The following AUTS2 variants were observed in gnomAD, a reference collection of about 807,000 sequenced individuals.
The protein encoded by AUTS2 is activator of transcription and developmental regulator AUTS2, also known as autism susceptibility gene 2 protein.
In AUTS2, 17 loss-of-function variants were observed where a neutral mutation model predicts 112.4. That is an observed-to-expected ratio of 0.15 (90% CI 0.10 to 0.23). AUTS2 has a LOEUF of 0.23. Among genes scored for constraint, AUTS2 ranks in the 10% least tolerant of loss-of-function variants. AUTS2 has a pLI of 1.00. For missense variants in AUTS2, 1,510 were observed against 1,701.6 expected, an observed-to-expected ratio of 0.89 and a Z score of 1.98; for synonymous variants, 751 against 702.7, an observed-to-expected ratio of 1.07 and a Z score of -1.09.
At chr7:69,871,474 C>T (rs947047743) in intron 1 of AUTS2, among the ~76,000 whole-genome samples, 6 of 152,114 alleles carry the variant, frequency 3.9e-5, no homozygotes, top group African/African-American at 1.2e-4. Context: ...TTTTCCTATA[C>T]GTACGTGGCT....
chr7:70,335,255 AG>A (rs937808154), intron 4 of AUTS2, among the ~76,000 whole-genome samples: 21 of 152,126 alleles, frequency 1.4e-4, no homozygotes, highest in African/African-American at 5.1e-4. Context: ...GATGGGTTTT[AG>A]CTCTGTTGGA....
intron 1 of AUTS2, among the ~76,000 whole-genome samples, chr7:69,631,730 A>G (rs985966148): frequency 1.3e-5 from 2 of 152,316 alleles, no homozygotes; most frequent in Admixed American, 1.3e-4. Context: ...CAGCTGATAC[A>G]TTCTTCTTTA....
At position 70,631,044 on chromosome 7, in the gene AUTS2, G is replaced by A. The variant is rs576696701; in HGVS notation, c.691-67525G>A. Among the ~76,000 whole-genome samples, 39 of 152,172 alleles carry A rather than the reference G, an allele frequency of 2.6e-4. No homozygotes were observed. The highest frequency in any genetic ancestry group is 6.8e-3 in the Middle Eastern group (2 of 294). On this transcript the variant is annotated intron_variant, in intron 5 of 18. Transcript: ENST00000342771. This position sits in a 1 kb window ranked among gnomAD's most constrained non-coding sequence, Gnocchi z 4.5. ...CCGGCTGGTGTCCCACAGGCTCGGCGCAGTAAGTTCAGATTATTGCTCAGT... is the reference window on the plus strand; with the variant it reads ...CCGGCTGGTGTCCCACAGGCTCGGCACAGTAAGTTCAGATTATTGCTCAGT...
chr7:69,897,137 C>T (rs916959379), intron 1 of AUTS2, among the ~76,000 whole-genome samples: 1 of 152,046 alleles, frequency 6.6e-6, no homozygotes, highest in Admixed American at 6.5e-5. Context: ...TGAGTGAAGA[C>T]CTGAGAATAG....
At chr7:70,073,655 C>T (rs1170286865) in intron 2 of AUTS2, among the ~76,000 whole-genome samples, 2 of 151,972 alleles carry the variant, frequency 1.3e-5, no homozygotes, top group Non-Finnish European at 2.9e-5. Flanking sequence ...CTCCATTTAT[C>T]GAATGGAAGG....
In AUTS2 at chr7:70,631,147, T is replaced by C. The variant is rs1805237527; in HGVS notation, c.691-67422T>C. On this transcript the variant is annotated intron_variant, in intron 5 of 18. Coordinates refer to ENST00000342771, the MANE Select transcript of AUTS2 (RefSeq NM_015570.4). This position sits in a 1 kb window ranked among gnomAD's most constrained non-coding sequence, Gnocchi z 4.5. The stretch of plus-strand genomic sequence containing the variant: ...TGGCCCCTCGCCGCGCCATTCCTGA[T>C]GACAAACTGCCAGCCAGCTCCCACA... Among the ~76,000 whole-genome samples, 1 of 152,166 alleles carries C rather than the reference T, an allele frequency of 6.6e-6. No homozygotes were observed. The highest frequency in any genetic ancestry group is 2.1e-4 in the South Asian group (1 of 4,834).
chr7:70,402,328 T>C (rs942790795), intron 4 of AUTS2, among the ~76,000 whole-genome samples: 8 of 152,200 alleles, frequency 5.3e-5, no homozygotes, highest in African/African-American at 9.6e-5. Flanking sequence ...ACTCCTGACA[T>C]TGGCAAGACT....
intron 6 of AUTS2, among the ~76,000 whole-genome samples, chr7:70,757,112 G>T (rs541221175): frequency 6.6e-6 from 1 of 152,294 alleles, no homozygotes; most frequent in East Asian, 1.9e-4. Context: ...GACTTAGTTC[G>T]CGCTTTTTTG....
At chr7:69,851,204 G>A (rs1792465862) in intron 1 of AUTS2, among the ~76,000 whole-genome samples, 1 of 152,110 alleles carries the variant, frequency 6.6e-6, no homozygotes, top group Non-Finnish European at 1.5e-5. Context: ...GTTGATCTGC[G>A]TGTCTGTCCC....
intron 2 of AUTS2, among the ~76,000 whole-genome samples, chr7:70,117,104 G>GTTTTTTTTTT (rs61076536): frequency 2.2e-4 from 17 of 78,156 alleles, no homozygotes; most frequent in African/African-American, 5.3e-4. Flanking sequence ...GATGACTTTT[G>GTTTTTTTTTT]TTTTTTTTTT....
chr7:70,715,617 C>T (rs1199306302), intron 6 of AUTS2, among the ~76,000 whole-genome samples: 3 of 152,096 alleles, frequency 2.0e-5, no homozygotes, highest in African/African-American at 2.4e-5. Context: ...CTGCAACCTT[C>T]GCCTCCTGGA....
intron 1 of AUTS2, among the ~76,000 whole-genome samples, chr7:69,660,722 G>GGAGATCAA (rs1795749192): frequency 6.6e-6 from 1 of 152,170 alleles, no homozygotes; most frequent in Non-Finnish European, 1.5e-5. Flanking sequence ...CACGAGGTCA[G>GGAGATCAA]GAGATCAAGA....
chr7:70,780,068 G>C (rs530325859), intron 14 of AUTS2, among the ~76,000 whole-genome samples: 2 of 151,960 alleles, frequency 1.3e-5, no homozygotes, highest in East Asian at 3.9e-4. Flanking sequence ...CAGGTACTAA[G>C]GGCAGTGAAA....
rs200060451 is a variant in AUTS2 at position 69,686,434 on chromosome 7, TGAAAAA to T, written c.309+86477_309+86482del. On this transcript the variant is annotated intron_variant, in intron 1 of 18. Coordinates refer to ENST00000342771, the MANE Select transcript of AUTS2 (RefSeq NM_015570.4). ...GTTTTCTGAGTTGATATTGAAATGA[TGAAAAA>T]GAAAGAGATCTGGGACTGGGGGTTC... 2.3e-3 allele frequency among the ~76,000 whole-genome samples: 355 copies of T among 152,248 alleles called. 1 individual carries two copies. Among genetic ancestry groups the T allele is most frequent in the African/African-American group, 7.4e-3 (308 of 41,546 alleles).
At chr7:70,165,962 C>T (rs893175086) in intron 4 of AUTS2, among the ~76,000 whole-genome samples, 21 of 152,082 alleles carry the variant, frequency 1.4e-4, no homozygotes, top group Non-Finnish European at 2.8e-4. Context: ...CTCATGATAG[C>T]GAGTGAGTTC....
intron 1 of AUTS2, among the ~76,000 whole-genome samples, chr7:69,864,994 C>G (rs1793154901): frequency 6.6e-6 from 1 of 152,062 alleles, no homozygotes; most frequent in Non-Finnish European, 1.5e-5. Context: ...AAATAACCTG[C>G]AGGGTGGATA....
chr7:70,416,335 A>C (rs188604982), intron 4 of AUTS2, among the ~76,000 whole-genome samples: 1 of 152,308 alleles, frequency 6.6e-6, no homozygotes, highest in Admixed American at 6.5e-5. Context: ...CTCTTTGTCC[A>C]GTGTGTAACA....
Position 70,791,264 on chromosome 7 carries a change from A to T in AUTS2, c.*268A>T. The T allele has an allele frequency of 1.0e-5, 2 of 195,196 alleles. No homozygotes were observed. The highest frequency in any genetic ancestry group is 1.0e-4 in the East Asian group (1 of 9,568). The allele number at this position is 195,196 out of a possible 1,614,324, so 12.1% of individuals were successfully genotyped here. A position where few individuals can be genotyped will look rare whatever the true frequency, so the allele number is the denominator to read the frequency against. On this transcript the variant is annotated 3_prime_UTR_variant, in exon 19 of 19. Transcript: ENST00000342771. ...AAAACTTTTTGATTTGAACCAAAAC[A>T]GTGAAGATGACAACACACACCAATT...
chr7:70,045,805 T>C (rs1801478398), intron 2 of AUTS2, among the ~76,000 whole-genome samples: 1 of 149,114 alleles, frequency 6.7e-6, no homozygotes, highest in Non-Finnish European at 1.5e-5. Flanking sequence ...TTTTTTTTTT[T>C]TAAGTAGAGA....
Sources: gnomAD v4.1 joint callset for allele counts (sites outside exome capture counted in the v4.1 genomes callset) on GRCh38, gnomAD v4.1.1 for gene constraint, Gnocchi (gnomAD v3.1) non-coding constraint, MANE v1.5 for transcripts, NCBI Gene and HGNC (gene_info 2026-07-23, HGNC 2026-07-21) for gene names.